The following KANSL1 variants were observed in gnomAD, a reference collection of about 807,000 sequenced individuals.
KANSL1 encodes the protein MLL1/MLL complex subunit KANSL1.
A neutral mutation model predicts 103.6 loss-of-function variants in KANSL1; 22 were observed. The ratio of observed to expected loss-of-function variants is 0.21; its 90% confidence interval spans 0.15 to 0.30. KANSL1 has a LOEUF of 0.30. KANSL1 is among the 10% of genes least tolerant of loss of function. The pLI, the probability that KANSL1 is intolerant of heterozygous loss-of-function variation, is 1.00. For missense variants in KANSL1, 1,337 were observed against 1,399.8 expected (o/e 0.96, Z 0.72); for synonymous variants, 600 against 527.6 (o/e 1.14, Z -1.88).
At chr17:46,082,921 A>G (rs1366461897) in intron 3 of KANSL1, among the ~76,000 whole-genome samples, 3 of 152,226 alleles carry the variant, frequency 2.0e-5, no homozygotes, top group Non-Finnish European at 4.4e-5. Flanking sequence ...TGACTTACTA[A>G]GCTGAAAATG....
rs542742717 is a variant in KANSL1, at chr17:46,178,053, A to G, written c.-89-5821T>C. 2.0e-4 allele frequency among the ~76,000 whole-genome samples: 31 copies of G among 152,362 alleles called. No homozygotes were observed. In the East Asian group the frequency reaches 5.6e-3, roughly 27 times the overall value. On this transcript the variant is annotated intron_variant, in intron 1 of 14. Coordinates refer to ENST00000432791, the MANE Select transcript of KANSL1 (RefSeq NM_015443.4). Reference sequence around the variant, plus strand: ...TGGCCTCCCAAAGTGCTGGGATTACAGGCATGAGCCACCACGCCCGGCCCA... The same window carrying G: ...TGGCCTCCCAAAGTGCTGGGATTACGGGCATGAGCCACCACGCCCGGCCCA...
chr17:46,186,931 C>A (rs974988464), intron 1 of KANSL1, among the ~76,000 whole-genome samples: 3 of 151,992 alleles, frequency 2.0e-5, no homozygotes, highest in Non-Finnish European at 4.4e-5. Flanking sequence ...GACAGGGTTT[C>A]ACCATGTTAA....
chr17:46,064,827 T>A (rs1320227180), intron 6 of KANSL1, among the ~76,000 whole-genome samples: 1 of 151,740 alleles, frequency 6.6e-6, no homozygotes, highest in Non-Finnish European at 1.5e-5. Context: ...TCTCCAGCAC[T>A]CTCTATTCCC....
chr17:46,151,514 TC>T (rs2045103006), intron 2 of KANSL1, among the ~76,000 whole-genome samples: 1 of 152,224 alleles, frequency 6.6e-6, no homozygotes, highest in Non-Finnish European at 1.5e-5. Flanking sequence ...CCTTTTTATA[TC>T]TCTTTATAGC....
In KANSL1 at chr17:46,130,187, C is replaced by CAAAAAAAAAAAAAAAAAAAAAAAA. The variant is rs35017603; in HGVS notation, c.1290-35487_1290-35486insTTTTTTTTTTTTTTTTTTTTTTTT. Among the ~76,000 whole-genome samples the CAAAAAAAAAAAAAAAAAAAAAAAA allele has an allele frequency of 7.7e-4, 58 of 75,442 alleles. 1 individual carries two copies. The highest frequency in any genetic ancestry group is 1.4e-3 in the Non-Finnish European group (50 of 36,956). 49.5% of individuals were successfully genotyped at this position (75,442 alleles called of 152,430 possible). ...GGGCAAAAGAATGAGATCCTGTCTC[C>CAAAAAAAAAAAAAAAAAAAAAAAA]AAAAAAAAAAAAAAAAAAAAAGGAA... On this transcript the variant is annotated intron_variant, in intron 2 of 14. Coordinates refer to ENST00000432791, the MANE Select transcript of KANSL1 (RefSeq NM_015443.4).
intron 2 of KANSL1, among the ~76,000 whole-genome samples, chr17:46,125,109 G>GGAGGGAGGGAGA (rs2043492074): frequency 9.2e-6 from 1 of 108,128 alleles, no homozygotes; most frequent in African/African-American, 3.4e-5. Flanking sequence ...AGAGAGGGAG[G>GGAGGGAGGGAGA]GAGGGAGGGA....
At chr17:46,158,742 T>C (rs62060865) in intron 2 of KANSL1, among the ~76,000 whole-genome samples, 18,636 of 150,092 alleles carry the variant, frequency 0.12, 23 homozygotes, top group Middle Eastern at 0.19. Flanking sequence ...GGTTTCACCA[T>C]GTTGGCAAGG....
chr17:46,056,009 A>T, intron 6 of KANSL1, among the ~76,000 whole-genome samples: 1 of 152,208 alleles, frequency 6.6e-6, no homozygotes, highest in South Asian at 2.1e-4. Flanking sequence ...ATTTTATTTT[A>T]TTTTTTTGAT....
At chr17:46,085,865 C>T (rs550647139) in intron 3 of KANSL1, among the ~76,000 whole-genome samples, 19 of 152,224 alleles carry the variant, frequency 1.2e-4, no homozygotes, top group African/African-American at 4.6e-4. Flanking sequence ...TAGACTCAAG[C>T]AATCCACCTG....
Position 46,121,577 on chromosome 17 carries a change from CT to C in KANSL1, c.1290-26877del, listed in dbSNP as rs1358240412. Reference sequence around the variant, plus strand: ...CTATTTATCACTGCATTGTTTTCCCCTGTACTCCTTATCCCTCTTACCTGCT... The same window carrying C: ...CTATTTATCACTGCATTGTTTTCCCCGTACTCCTTATCCCTCTTACCTGCT... On this transcript the variant is annotated intron_variant, in intron 2 of 14. Transcript: ENST00000432791. Among the ~76,000 whole-genome samples, 16 of 151,126 alleles carry C rather than the reference CT, an allele frequency of 1.1e-4. No homozygotes were observed. In the East Asian group the frequency reaches 3.1e-3, roughly 29 times the overall value.
chr17:46,163,385 C>A (rs972168484), intron 2 of KANSL1, among the ~76,000 whole-genome samples: 5 of 152,214 alleles, frequency 3.3e-5, no homozygotes, highest in African/African-American at 1.2e-4. Context: ...TTTTCAGACA[C>A]AGGGTCTCAC....
At chr17:46,047,358 A>G (rs1208331594) in intron 7 of KANSL1, among the ~76,000 whole-genome samples, 1 of 152,270 alleles carries the variant, frequency 6.6e-6, no homozygotes, top group Non-Finnish European at 1.5e-5. Context: ...TTGTTGCAAC[A>G]CAATCAGGTT....
intron 2 of KANSL1, among the ~76,000 whole-genome samples, chr17:46,150,023 AAAATAAAT>A: frequency 6.6e-6 from 1 of 151,624 alleles, no homozygotes; most frequent in Non-Finnish European, 1.5e-5. Context: ...CTCCATCTCA[AAAATAAAT>A]AAATAAATAA....
At chr17:46,217,619 T>C (rs556657130) in intron 1 of KANSL1, among the ~76,000 whole-genome samples, 4 of 152,144 alleles carry the variant, frequency 2.6e-5, no homozygotes, top group South Asian at 2.1e-4. Flanking sequence ...CTGGGCGCCG[T>C]GGCTCACGCC....
At chr17:46,112,050 CTCTAT>C (rs1249294913) in intron 2 of KANSL1, among the ~76,000 whole-genome samples, 3 of 152,030 alleles carry the variant, frequency 2.0e-5, no homozygotes, top group Non-Finnish European at 4.4e-5. Flanking sequence ...TATTGTACAC[CTCTAT>C]AGGGAGTGTT....
At position 46,030,401 on chromosome 17, in the gene KANSL1, C is replaced by T. The variant is rs985915837; in HGVS notation, c.*1075G>A. ...AAAAAAGAGTCTTCTCCCCCCTCCC[C>T]CTTTTTGGTGATGTGATCATACAGG... On this transcript the variant is annotated 3_prime_UTR_variant, in exon 15 of 15. Coordinates refer to ENST00000432791, the MANE Select transcript of KANSL1 (RefSeq NM_015443.4). The T allele has an allele frequency of 1.3e-5, 2 of 152,028 alleles. No homozygotes were observed. Among genetic ancestry groups the T allele is most frequent in the African/African-American group, 4.8e-5 (2 of 41,374 alleles). 9.4% of individuals were successfully genotyped at this position (152,028 alleles called of 1,614,324 possible).
intron 3 of KANSL1, among the ~76,000 whole-genome samples, chr17:46,092,016 C>T (rs1229467378): frequency 6.6e-6 from 1 of 152,164 alleles, no homozygotes; most frequent in Non-Finnish European, 1.5e-5. Flanking sequence ...ACAGGGGTTT[C>T]ACCATGTTGG....
At chr17:46,180,934 T>C (rs1205668128) in intron 1 of KANSL1, among the ~76,000 whole-genome samples, 2 of 152,206 alleles carry the variant, frequency 1.3e-5, no homozygotes, top group African/African-American at 4.8e-5. Flanking sequence ...ACTTTTTAAA[T>C]GGGAGTGAAA....
intron 2 of KANSL1, 63 bp from the exon 3 acceptor site, chr17:46,094,764 G>A (rs2041990869): frequency 1.9e-6 from 3 of 1,590,668 alleles, no homozygotes; most frequent in Admixed American, 3.4e-5. Flanking sequence ...AGATTGGGGG[G>A]TGGGGAGTGG....
Sources: allele counts gnomAD v4.1 joint callset (sites outside exome capture counted in the v4.1 genomes callset), GRCh38; gene constraint gnomAD v4.1.1; transcripts MANE v1.5; gene names NCBI Gene and HGNC (gene_info 2026-07-23, HGNC 2026-07-21).